The following ZNF536 variants were observed in gnomAD, a reference collection of about 807,000 sequenced individuals.
ZNF536 encodes zinc finger protein 536.
A neutral mutation model predicts 84.5 loss-of-function variants in ZNF536; 13 were observed. The observed-to-expected ratio is 0.15, with a 90% CI of 0.10 to 0.24. The LOEUF is 0.24. Among genes scored for constraint, ZNF536 ranks in the 10% least tolerant of loss-of-function variants. The pLI, the probability that ZNF536 is intolerant of heterozygous loss-of-function variation, is 1.00. For missense variants in ZNF536, 1,536 were observed against 1,747.5 expected (o/e 0.88, Z 2.16); for synonymous variants, 811 against 742.5 (o/e 1.09, Z -1.50).
chr19:30,322,775 A>C (rs2046899526), intron 2 of ZNF536, among the ~76,000 whole-genome samples: 1 of 151,386 alleles, frequency 6.6e-6, no homozygotes, highest in Admixed American at 6.6e-5. Flanking sequence ...CTGCCCACCG[A>C]GCCCCTTACT....
chr19:30,570,676 A>T (rs962163752), intron 1 of ZNF536, among the ~76,000 whole-genome samples: 1 of 152,092 alleles, frequency 6.6e-6, no homozygotes, highest in African/African-American at 2.4e-5. Flanking sequence ...TCAGAACATA[A>T]TTGTATCTGT....
chr19:30,404,231 G>A (rs184980249), intron 1 of ZNF536, among the ~76,000 whole-genome samples: 2 of 152,310 alleles, frequency 1.3e-5, no homozygotes, highest in African/African-American at 4.8e-5. Flanking sequence ...GCCTTCAAGA[G>A]GCTTCTAGTC....
chr19:30,340,889 A>G (rs963752423), intron 2 of ZNF536, among the ~76,000 whole-genome samples: 2 of 152,164 alleles, frequency 1.3e-5, no homozygotes, highest in African/African-American at 4.8e-5. Flanking sequence ...TGCAACAGGC[A>G]TCGTGTGTGT....
Position 30,444,228 on chromosome 19 carries a change from G to A in ZNF536, c.666G>A (p.Pro222=), listed in dbSNP as rs1359358418. ...QLKGSLLQPR[P]DLKPPPHAQQ... is the part of the protein sequence containing the mutation. ...AAGGCAGCCTGCTGCAGCCCCGGCC[G>A]GACCTGAAGCCCCCGCCGCACGCCC... The change falls in exon 2 of 5, where the codon CCG becomes CCA. Residue 222 remains proline (P), a synonymous_variant. Transcript: ENST00000355537. 1.9e-6 allele frequency: 3 copies of A among 1,544,678 alleles called. No homozygotes were observed. The highest frequency in any genetic ancestry group is 2.6e-6 in the Non-Finnish European group (3 of 1,150,694).
intron 1 of ZNF536, among the ~76,000 whole-genome samples, chr19:30,258,143 T>G (rs964050133): frequency 6.6e-6 from 1 of 152,224 alleles, no homozygotes; most frequent in Non-Finnish European, 1.5e-5. Flanking sequence ...TAGCCCATTT[T>G]GTGTTTAAAT....
At chr19:30,311,880 G>A (rs2046516383) in intron 2 of ZNF536, among the ~76,000 whole-genome samples, 1 of 152,026 alleles carries the variant, frequency 6.6e-6, no homozygotes, top group South Asian at 2.1e-4. Flanking sequence ...ACCAGCCTGG[G>A]AAACATAGTG....
At chr19:30,340,425 G>A (rs887076444) in intron 2 of ZNF536, among the ~76,000 whole-genome samples, 2 of 152,180 alleles carry the variant, frequency 1.3e-5, no homozygotes, top group Admixed American at 6.5e-5. Context: ...TGCTTTGGGT[G>A]TCAATATCCC....
chr19:30,669,845 A>G (rs1342019169), intron 1 of ZNF536, among the ~76,000 whole-genome samples: 2 of 152,240 alleles, frequency 1.3e-5, no homozygotes, highest in Non-Finnish European at 2.9e-5. Flanking sequence ...TGACGTATTC[A>G]TTGTGGCAAT....
At chr19:30,530,827 G>C in intron 2 of ZNF536, among the ~76,000 whole-genome samples, 1 of 152,210 alleles carries the variant, frequency 6.6e-6, no homozygotes, top group East Asian at 1.9e-4. Context: ...TCGGGGTAGA[G>C]AAGGAATCCA....
chr19:30,466,755 G>GGGAAGGGA (rs2053426504), intron 2 of ZNF536, among the ~76,000 whole-genome samples: 2 of 62,558 alleles, frequency 3.2e-5, no homozygotes, highest in Non-Finnish European at 5.5e-5. Flanking sequence ...GAAGAAAGGA[G>GGGAAGGGA]GGAAGGAAGG....
chr19:30,544,016 G>A (rs964307156), intron 3 of ZNF536, among the ~76,000 whole-genome samples: 1 of 152,182 alleles, frequency 6.6e-6, no homozygotes, highest in East Asian at 1.9e-4. Flanking sequence ...CGAGGGCTTT[G>A]AGATAGAGGG....
chr19:30,284,145 A>G (rs759040387), intron 2 of ZNF536: 3 of 152,246 alleles, frequency 2.0e-5, no homozygotes, highest in Non-Finnish European at 4.4e-5. Flanking sequence ...TTGCCTGGTA[A>G]GGACCATCGA....
Position 30,637,145 on chromosome 19 carries a change from C to A in ZNF536, c.170-73612C>A, listed in dbSNP as rs549996738. On this transcript the variant is annotated intron_variant, in intron 1 of 1. Coordinates refer to the ZNF536 transcript ENST00000592773. ...CAAAGTCCTTGACAGCATTTTTATGCAGAGGGTCCTTCCATACTGACCCAC... is the reference window on the plus strand; with the variant it reads ...CAAAGTCCTTGACAGCATTTTTATGAAGAGGGTCCTTCCATACTGACCCAC... 5.3e-5 allele frequency among the ~76,000 whole-genome samples: 8 copies of A among 152,316 alleles called. No homozygotes were observed. The South Asian group carries it at 1.5e-3, about 28-fold the overall frequency.
At chr19:30,248,395 A>AT (rs1416183521) in intron 1 of ZNF536, among the ~76,000 whole-genome samples, 7 of 110,408 alleles carry the variant, frequency 6.3e-5, no homozygotes, top group Non-Finnish European at 9.9e-5. Context: ...ATGCCCTGCT[A>AT]ATTTTTTTTT....
intron 1 of ZNF536, among the ~76,000 whole-genome samples, chr19:30,629,199 A>G (rs1047938625): frequency 1.3e-5 from 2 of 151,706 alleles, no homozygotes; most frequent in African/African-American, 4.8e-5. Context: ...CCTTTTATTT[A>G]TTTAATTTTG....
At chr19:30,292,678 A>G (rs2045881508) in intron 2 of ZNF536, among the ~76,000 whole-genome samples, 1 of 152,186 alleles carries the variant, frequency 6.6e-6, no homozygotes, top group African/African-American at 2.4e-5. Flanking sequence ...GTTGAGAAAA[A>G]AAAAATTGTA....
chr19:30,691,986 G>T (rs777544731), intron 1 of ZNF536, among the ~76,000 whole-genome samples: 2 of 152,200 alleles, frequency 1.3e-5, no homozygotes, highest in African/African-American at 2.4e-5. Flanking sequence ...GAGACCGGGG[G>T]TCTTTGTCTC....
intron 1 of ZNF536, among the ~76,000 whole-genome samples, chr19:30,569,874 G>A (rs2046483502): frequency 6.6e-6 from 1 of 152,062 alleles, no homozygotes; most frequent in Non-Finnish European, 1.5e-5. Flanking sequence ...GCCCAGAGAA[G>A]CATTCTTGAA....
chr19:30,510,948 A>T (rs2055387612), intron 2 of ZNF536, among the ~76,000 whole-genome samples: 1 of 152,168 alleles, frequency 6.6e-6, no homozygotes, highest in Admixed American at 6.5e-5. Flanking sequence ...TCAGGCGTAG[A>T]GTGGGGATGG....
Sources: allele counts gnomAD v4.1 joint callset (sites outside exome capture counted in the v4.1 genomes callset), GRCh38; gene constraint gnomAD v4.1.1; transcripts MANE v1.5; gene names NCBI Gene and HGNC (gene_info 2026-07-23, HGNC 2026-07-21).